RASAL2: variants seen among roughly 807,000 people sequenced by gnomAD.
RASAL2 encodes the protein ras GTPase-activating protein nGAP.
RASAL2 carries 58 observed loss-of-function variants against 128.9 expected under a neutral mutation model. The ratio of observed to expected loss-of-function variants is 0.45; its 90% CI spans 0.36 to 0.56. The LOEUF (loss-of-function observed/expected upper bound fraction) is 0.56, where lower values mean the gene tolerates loss of function less well. RASAL2 is among the 20% of genes least tolerant of loss of function. RASAL2 has a pLI of 0.00. For synonymous variants in RASAL2, 561 were observed against 580.8 expected, an observed-to-expected ratio of 0.97 and a Z score of 0.49; for missense variants, 1,360 against 1,601.6, an observed-to-expected ratio of 0.85 and a Z score of 2.57.
intron 3 of RASAL2, among the ~76,000 whole-genome samples, chr1:178,359,760 G>A (rs2102472970): frequency 6.6e-6 from 1 of 152,250 alleles, no homozygotes; most frequent in East Asian, 1.9e-4. Context: ...ATAAATGACT[G>A]TAGATCTTTG....
At chr1:178,277,577 G>A (rs978631422) in intron 1 of RASAL2, among the ~76,000 whole-genome samples, 2 of 152,210 alleles carry the variant, frequency 1.3e-5, no homozygotes, top group Admixed American at 6.5e-5. Context: ...TCAGAGTTGC[G>A]AAGAATTTGC....
intron 1 of RASAL2, among the ~76,000 whole-genome samples, chr1:178,172,295 G>A (rs925503586): frequency 2.6e-5 from 4 of 152,004 alleles, no homozygotes; most frequent in African/African-American, 7.2e-5. Flanking sequence ...TCTGACTGTG[G>A]CCTAAATAAT....
chr1:178,095,069 G>A (rs188793163), intron 1 of RASAL2, among the ~76,000 whole-genome samples: 1 of 152,256 alleles, frequency 6.6e-6, no homozygotes, highest in African/African-American at 2.4e-5. Context: ...TGTTGAATGA[G>A]GCAAGACTGG....
chr1:178,164,502 T>A (rs1661447560), intron 1 of RASAL2, among the ~76,000 whole-genome samples: 1 of 145,268 alleles, frequency 6.9e-6, no homozygotes, highest in Non-Finnish European at 1.5e-5. Context: ...TGTGTGTGTG[T>A]GTGCGTGTGT....
chr1:178,371,341 C>T (rs12745863), intron 3 of RASAL2, among the ~76,000 whole-genome samples: 16 of 137,732 alleles, frequency 1.2e-4, no homozygotes, highest in African/African-American at 4.7e-4. Context: ...CACACACACA[C>T]ACACACACAC....
intron 1 of RASAL2, among the ~76,000 whole-genome samples, chr1:178,200,677 C>G (rs963829537): frequency 6.6e-6 from 1 of 152,152 alleles, no homozygotes; most frequent in Admixed American, 6.5e-5. Context: ...GCATGGACAG[C>G]CTCGCCAGGT....
chr1:178,327,564 C>G (rs1669095887), intron 3 of RASAL2, among the ~76,000 whole-genome samples: 1 of 152,148 alleles, frequency 6.6e-6, no homozygotes, highest in Non-Finnish European at 1.5e-5. Flanking sequence ...ATTACCCAGG[C>G]TAGTCTCAAA....
chr1:178,202,248 A>T (rs1662898316), intron 1 of RASAL2, among the ~76,000 whole-genome samples: 1 of 152,196 alleles, frequency 6.6e-6, no homozygotes, highest in Admixed American at 6.5e-5. Context: ...TCCTGAAGGC[A>T]CAAGTAAGTT....
At chr1:178,301,945 G>T (rs1203193143) in intron 3 of RASAL2, among the ~76,000 whole-genome samples, 1 of 152,132 alleles carries the variant, frequency 6.6e-6, no homozygotes, top group African/African-American at 2.4e-5. Flanking sequence ...CTGGTCTAGA[G>T]CCAGTCCTTA....
At chr1:178,235,002 A>ATTAAAATAT (rs1664168483) in intron 1 of RASAL2, among the ~76,000 whole-genome samples, 1 of 152,072 alleles carries the variant, frequency 6.6e-6, no homozygotes, top group African/African-American at 2.4e-5. Flanking sequence ...TTTTAGTGAT[A>ATTAAAATAT]CTCTTAAACA....
chr1:178,361,754 C>T (rs1671119393), intron 3 of RASAL2, among the ~76,000 whole-genome samples: 1 of 151,926 alleles, frequency 6.6e-6, no homozygotes, highest in Non-Finnish European at 1.5e-5. Context: ...ACTTACTGTG[C>T]ATTTTATTTC....
Position 178,399,709 on chromosome 1 carries a change from A to G in RASAL2, c.564+9503A>G, listed in dbSNP as rs148699963. Among the ~76,000 whole-genome samples the G allele has an allele frequency of 6.6e-4, 100 of 152,326 alleles. 1 individual carries two copies. In the East Asian group the frequency reaches 0.019, roughly 28 times the overall value. ...AAAGGGAAAAGTTTCCTAATTTATA[A>G]TAGTACGTTTAATGACATTGTCTTC... is the stretch of plus-strand genomic sequence containing the variant. On this transcript the variant is annotated intron_variant, in intron 4 of 17. Transcript: ENST00000367649.
chr1:178,131,375 CTTTT>C (rs71108028), intron 1 of RASAL2, among the ~76,000 whole-genome samples: 55 of 82,604 alleles, frequency 6.7e-4, no homozygotes, highest in African/African-American at 2.9e-3. Context: ...CCTGGATAAT[CTTTT>C]TTTTTTTTTT....
intron 1 of RASAL2, among the ~76,000 whole-genome samples, chr1:178,129,676 A>AT (rs573647359): frequency 0.016 from 2,320 of 146,272 alleles, 62 homozygotes; most frequent in African/African-American, 0.053. Context: ...GGTCATGAAC[A>AT]TTTTTTTTTT....
At chr1:178,132,398 A>G (rs1389087713) in intron 1 of RASAL2, among the ~76,000 whole-genome samples, 2 of 151,962 alleles carry the variant, frequency 1.3e-5, no homozygotes, top group Non-Finnish European at 2.9e-5. Flanking sequence ...TCAGTGTACC[A>G]TACCTGTTAC....
At chr1:178,349,295 C>T (rs1054098284) in intron 3 of RASAL2, among the ~76,000 whole-genome samples, 1 of 149,014 alleles carries the variant, frequency 6.7e-6, no homozygotes, top group African/African-American at 2.5e-5. Context: ...CATGGTGGCG[C>T]GCGCCTGTAG....
At chr1:178,172,410 A>G (rs1661734475) in intron 1 of RASAL2, among the ~76,000 whole-genome samples, 1 of 152,028 alleles carries the variant, frequency 6.6e-6, no homozygotes, top group Admixed American at 6.6e-5. Context: ...GTAAGCTACC[A>G]TTGAATATTC....
intron 5 of RASAL2, among the ~76,000 whole-genome samples, chr1:178,422,484 A>T (rs1165313616): frequency 6.6e-6 from 1 of 152,140 alleles, no homozygotes; most frequent in East Asian, 1.9e-4. Flanking sequence ...GAGATTTCCT[A>T]TACAGAAATT....
intron 1 of RASAL2, among the ~76,000 whole-genome samples, chr1:178,154,336 C>T (rs927446328): frequency 2.6e-5 from 4 of 151,888 alleles, no homozygotes; most frequent in Non-Finnish European, 4.4e-5. Context: ...TTTGTGGAGA[C>T]GTGGGTCTCC....
Sources: gnomAD v4.1 joint callset for allele counts (sites outside exome capture counted in the v4.1 genomes callset) on GRCh38, gnomAD v4.1.1 for gene constraint, MANE v1.5 for transcripts, NCBI Gene and HGNC (gene_info 2026-07-23, HGNC 2026-07-21) for gene names.